TM9SF3: variants seen among roughly 807,000 people sequenced by gnomAD.
TM9SF3 encodes SM-11044-binding protein.
In TM9SF3, 14 loss-of-function variants were observed where a neutral mutation model predicts 78.6. The ratio of observed to expected loss-of-function variants is 0.18; its 90% CI spans 0.12 to 0.28. TM9SF3 has a LOEUF of 0.28. Among genes scored for constraint, TM9SF3 ranks in the 10% least tolerant of loss-of-function variants. The pLI is 1.00. For missense variants in TM9SF3, 496 were observed against 721.9 expected (o/e 0.69, Z 3.59); for synonymous variants, 231 against 241.7 (o/e 0.96, Z 0.41).
In TM9SF3 at chr10:96,586,934, CG is replaced by C; in HGVS notation, c.-100del. 1.0e-6 allele frequency: 1 copy of C among 1,001,210 alleles called. No individual in the cohort carries two copies. Among genetic ancestry groups the C allele is most frequent in the East Asian group, 4.7e-5 (1 of 21,332 alleles). 62.0% of individuals were successfully genotyped at this position (1,001,210 alleles called of 1,614,324 possible). A position where few individuals can be genotyped will look rare whatever the true frequency, so the allele number is the denominator to read the frequency against. On this transcript the variant is annotated 5_prime_UTR_variant, in exon 1 of 15. Coordinates refer to ENST00000371142, the MANE Select transcript of TM9SF3 (RefSeq NM_020123.4). ...CTCCGCCGCGGCCGATTCGCATCCA[CG>C]GGGCGCGGACAGACGCACGGGGCCC...
At chr10:96,568,357 A>G (rs1414974595) in intron 2 of TM9SF3, among the ~76,000 whole-genome samples, 3 of 152,260 alleles carry the variant, frequency 2.0e-5, no homozygotes, top group African/African-American at 7.2e-5. Flanking sequence ...AAGGTGAAAC[A>G]CACATCCATG....
At position 96,520,991 on chromosome 10, in the gene TM9SF3, C is replaced by G; in HGVS notation, c.*1272G>C. On this transcript the variant is annotated 3_prime_UTR_variant, in exon 15 of 15. Transcript: ENST00000371142. ...ATCTATTTCCACAAAACAATTTGGTCAGGAAATTTTATTTGAACATTCTAA... is the reference window on the plus strand; with the variant it reads ...ATCTATTTCCACAAAACAATTTGGTGAGGAAATTTTATTTGAACATTCTAA... 2.5e-6 allele frequency: 1 copy of G among 396,312 alleles called. No individual in the cohort carries two copies. The highest frequency in any genetic ancestry group is 4.5e-6 in the Non-Finnish European group (1 of 223,980). The allele number at this position is 396,312 out of a possible 1,614,324, so 24.5% of individuals were successfully genotyped here.
chr10:96,568,442 G>A (rs1848403151), intron 2 of TM9SF3, among the ~76,000 whole-genome samples: 1 of 152,160 alleles, frequency 6.6e-6, no homozygotes. Flanking sequence ...AAGTAGTAAA[G>A]TGGCAAATGT....
intron 7 of TM9SF3, among the ~76,000 whole-genome samples, chr10:96,549,648 A>G (rs960879192): frequency 4.6e-5 from 7 of 152,158 alleles, no homozygotes; most frequent in Non-Finnish European, 7.3e-5. Context: ...TAGTACTTAC[A>G]TAAGTAATGA....
At chr10:96,584,487 C>T (rs1009001842) in intron 1 of TM9SF3, among the ~76,000 whole-genome samples, 9 of 152,158 alleles carry the variant, frequency 5.9e-5, no homozygotes, top group African/African-American at 1.7e-4. Context: ...CTTCCCATAA[C>T]TGTTTTTGTT....
At chr10:96,568,334 G>C (rs1460201538) in intron 2 of TM9SF3, among the ~76,000 whole-genome samples, 1 of 152,096 alleles carries the variant, frequency 6.6e-6, no homozygotes, top group South Asian at 2.1e-4. Context: ...ATTATAATAG[G>C]CTATATCTTT....
At chr10:96,568,334 G>A (rs1460201538) in intron 2 of TM9SF3, among the ~76,000 whole-genome samples, 2 of 152,096 alleles carry the variant, frequency 1.3e-5, no homozygotes, top group Non-Finnish European at 2.9e-5. Context: ...ATTATAATAG[G>A]CTATATCTTT....
intron 9 of TM9SF3, among the ~76,000 whole-genome samples, chr10:96,541,081 A>T (rs7894814): frequency 0.99 from 151,039 of 152,214 alleles, 74,945 homozygotes; most frequent in Middle Eastern, 1. Flanking sequence ...CAAATCTTTC[A>T]AGAAAAGAAA....
intron 1 of TM9SF3, among the ~76,000 whole-genome samples, chr10:96,586,223 C>T (rs1336197636): frequency 6.6e-6 from 1 of 152,194 alleles, no homozygotes; most frequent in Non-Finnish European, 1.5e-5. Flanking sequence ...TTAATCCGGT[C>T]TGGGCAGAAG....
intron 5 of TM9SF3, among the ~76,000 whole-genome samples, chr10:96,556,339 G>A (rs1446828964): frequency 1.3e-5 from 2 of 152,238 alleles, no homozygotes; most frequent in African/African-American, 2.4e-5. Flanking sequence ...TTATATCAAC[G>A]TGAAATTCCC....
At position 96,521,206 on chromosome 10, in the gene TM9SF3, T is replaced by C. The variant is rs893378078; in HGVS notation, c.*1057A>G. ...ATGTTTCATGCAATGGTAGGCAAGA[T>C]GTAAAAGCCCACCCAAATCACACAT... On this transcript the variant is annotated 3_prime_UTR_variant, in exon 15 of 15. Transcript: ENST00000371142. 4 of 276,650 alleles carry C rather than the reference T, an allele frequency of 1.4e-5. No individual in the cohort carries two copies. The highest frequency in any genetic ancestry group is 4.4e-5 in the African/African-American group (2 of 45,642). The allele number at this position is 276,650 out of a possible 1,614,324, so 17.1% of individuals were successfully genotyped here. A position where few individuals can be genotyped will look rare whatever the true frequency, so the allele number is the denominator to read the frequency against.
chr10:96,551,555 A>G, intron 6 of TM9SF3, 144 bp from the exon 7 acceptor site: 1 of 539,146 alleles, frequency 1.9e-6, no homozygotes, highest in Admixed American at 3.9e-5. Context: ...AGTATATTCC[A>G]AACTTAGAAT....
chr10:96,530,685 T>C, intron 10 of TM9SF3, 77 bp from the exon 11 acceptor site: 1 of 1,291,868 alleles, frequency 7.7e-7, no homozygotes, highest in Non-Finnish European at 1.1e-6. Flanking sequence ...AGAAAGCAGG[T>C]ACTTGACACT....
chr10:96,586,989 C>CCGT lies in TM9SF3; in HGVS notation c.-157_-155dup, dbSNP rs1370857204. 5.2e-5 allele frequency: 25 copies of CCGT among 478,806 alleles called. No homozygotes were observed. The South Asian group carries it at 2.3e-3, about 44-fold the overall frequency. 29.7% of individuals were successfully genotyped at this position (478,806 alleles called of 1,614,324 possible). A position where few individuals can be genotyped will look rare whatever the true frequency, so the allele number is the denominator to read the frequency against. ...CCAGCCGCTGCCTCCTCTGCCGCCG[C>CCGT]CGTCGCCGTCACCGCCCGCTCCTGA... is the stretch of plus-strand genomic sequence containing the variant. On this transcript the variant is annotated 5_prime_UTR_variant, in exon 1 of 15. Transcript: ENST00000371142.
rs201800061 is a variant in TM9SF3 at position 96,522,234 on chromosome 10, G to T, written c.*29C>A. On this transcript the variant is annotated 3_prime_UTR_variant, in exon 15 of 15. Transcript: ENST00000371142. ...GTTCCACCCCTATGAAAAAGAAATT[G>T]ATCCAAAGTTCCAGGTTTTCTTGGG... is the stretch of plus-strand genomic sequence containing the variant. The T allele has an allele frequency of 5.0e-6, 8 of 1,584,880 alleles. 1 individual carries two copies. The South Asian group carries it at 5.8e-5, about 11-fold the overall frequency.
chr10:96,550,301 T>G (rs1848151590), intron 7 of TM9SF3, among the ~76,000 whole-genome samples: 1 of 152,198 alleles, frequency 6.6e-6, no homozygotes, highest in Non-Finnish European at 1.5e-5. Context: ...TGATCCTTAC[T>G]CTCAAGGAAC....
At chr10:96,550,634 C>T (rs910645625) in intron 7 of TM9SF3, among the ~76,000 whole-genome samples, 1 of 152,102 alleles carries the variant, frequency 6.6e-6, no homozygotes, top group Admixed American at 6.6e-5. Context: ...GAATGTGTAA[C>T]TTTTTCACAT....
At chr10:96,543,023 T>C (rs1436147731) in intron 9 of TM9SF3, among the ~76,000 whole-genome samples, 1 of 152,204 alleles carries the variant, frequency 6.6e-6, no homozygotes, top group African/African-American at 2.4e-5. Context: ...TAACTGCCTG[T>C]ACGATTGTGA....
chr10:96,559,915 T>A (rs1047173007), intron 4 of TM9SF3, among the ~76,000 whole-genome samples, 179 bp from the exon 5 acceptor site: 1 of 152,216 alleles, frequency 6.6e-6, no homozygotes, highest in Non-Finnish European at 1.5e-5. Flanking sequence ...TAATCAACTT[T>A]TCTGTTTATT....
Sources: gnomAD v4.1 joint callset for allele counts (sites outside exome capture counted in the v4.1 genomes callset) on GRCh38, gnomAD v4.1.1 for gene constraint, MANE v1.5 for transcripts, NCBI Gene and HGNC (gene_info 2026-07-23, HGNC 2026-07-21) for gene names.